The following SLC9A9 variants were observed in gnomAD, a reference collection of about 807,000 sequenced individuals.
The protein encoded by SLC9A9 is solute carrier family 9 member A9.
A neutral mutation model predicts 77.8 loss-of-function variants in SLC9A9; 62 were observed. That is an observed-to-expected ratio of 0.80 (90% confidence interval 0.65 to 0.98). The LOEUF is 0.98. SLC9A9 is among the 50% of genes least tolerant of loss of function. The pLI is 0.00. For missense variants in SLC9A9, 775 were observed against 774.9 expected, an observed-to-expected ratio of 1.00 and a Z score of 0.00; for synonymous variants, 320 against 283.5, an observed-to-expected ratio of 1.13 and a Z score of -1.29.
At chr3:143,635,551 C>T (rs879280982) in intron 6 of SLC9A9, among the ~76,000 whole-genome samples, 19 of 152,294 alleles carry the variant, frequency 1.2e-4, no homozygotes, top group East Asian at 5.8e-4. Flanking sequence ...CCCGAAGTTG[C>T]GGATGAATTA....
At chr3:143,496,295 AG>A (rs376196135) in intron 9 of SLC9A9, among the ~76,000 whole-genome samples, 175 of 152,350 alleles carry the variant, frequency 1.1e-3, no homozygotes, top group African/African-American at 3.8e-3. Context: ...GCTACAACAA[AG>A]GCAGATTTGG....
chr3:143,543,360 G>A, intron 9 of SLC9A9, among the ~76,000 whole-genome samples: 1 of 147,922 alleles, frequency 6.8e-6, no homozygotes, highest in East Asian at 2.0e-4. Flanking sequence ...TGTTACCTCT[G>A]TTTCTGGGAC....
At chr3:143,510,892 C>G (rs2036105832) in intron 9 of SLC9A9, among the ~76,000 whole-genome samples, 9 of 152,108 alleles carry the variant, frequency 5.9e-5, no homozygotes, top group Admixed American at 5.9e-4. Context: ...AGGGTAAGCT[C>G]CAGGGTGGAG....
chr3:143,290,906 A>G (rs1578266424), intron 14 of SLC9A9, among the ~76,000 whole-genome samples: 2 of 152,186 alleles, frequency 1.3e-5, no homozygotes, highest in South Asian at 4.2e-4. Context: ...TGACACCTCT[A>G]TGTAGGTGAC....
chr3:143,476,434 G>A (rs2108576772), intron 11 of SLC9A9, among the ~76,000 whole-genome samples: 1 of 152,338 alleles, frequency 6.6e-6, no homozygotes, highest in East Asian at 1.9e-4. Flanking sequence ...GAAGCCCTGG[G>A]TAGCCAGAAA....
At chr3:143,408,780 C>T (rs1254335995) in intron 12 of SLC9A9, among the ~76,000 whole-genome samples, 1 of 152,162 alleles carries the variant, frequency 6.6e-6, no homozygotes, top group Non-Finnish European at 1.5e-5. Flanking sequence ...AATAAAACCT[C>T]ACCTAAATTT....
intron 4 of SLC9A9, among the ~76,000 whole-genome samples, chr3:143,705,653 A>G (rs1373892189): frequency 6.6e-6 from 1 of 152,232 alleles, no homozygotes; most frequent in Non-Finnish European, 1.5e-5. Context: ...AGTCAGCTAA[A>G]AGGTCTTTTA....
intron 11 of SLC9A9, among the ~76,000 whole-genome samples, chr3:143,475,001 C>T (rs1296664694): frequency 1.3e-5 from 2 of 150,546 alleles, no homozygotes; most frequent in African/African-American, 4.9e-5. Flanking sequence ...CTCTGTTGCC[C>T]AGGCTGGAGT....
intron 14 of SLC9A9, among the ~76,000 whole-genome samples, chr3:143,320,703 G>A (rs2031388057): frequency 6.6e-6 from 1 of 152,264 alleles, no homozygotes; most frequent in Admixed American, 6.5e-5. Context: ...TCCAACATTG[G>A]GAATCGCATT....
At chr3:143,328,597 T>C (rs992289645) in intron 14 of SLC9A9, among the ~76,000 whole-genome samples, 3 of 152,176 alleles carry the variant, frequency 2.0e-5, no homozygotes, top group Non-Finnish European at 4.4e-5. Flanking sequence ...TGCCATCCCC[T>C]TTATCAGAAC....
rs113631630 is a variant in SLC9A9 at position 143,759,579 on chromosome 3, T to C, written c.533+35422A>G. On this transcript the variant is annotated intron_variant, in intron 4 of 15. Coordinates refer to ENST00000316549, the MANE Select transcript of SLC9A9 (RefSeq NM_173653.4). Reference sequence around the variant, plus strand: ...TTGATGGGTGTCCAGATCCTTTGAGTCCTGTCTGAGGTCCAGCTCTTTTCC... The same window carrying C: ...TTGATGGGTGTCCAGATCCTTTGAGCCCTGTCTGAGGTCCAGCTCTTTTCC... 5.9e-5 allele frequency among the ~76,000 whole-genome samples: 9 copies of C among 151,900 alleles called. 1 individual carries two copies. The highest frequency in any genetic ancestry group is 2.2e-4 in the African/African-American group (9 of 41,452).
intron 4 of SLC9A9, among the ~76,000 whole-genome samples, chr3:143,771,400 A>G (rs930256727): frequency 1.3e-5 from 2 of 152,166 alleles, no homozygotes; most frequent in Admixed American, 6.5e-5. Context: ...TATGATGTTA[A>G]CCGAAGAAGG....
chr3:143,354,244 T>C (rs1190979151), intron 14 of SLC9A9, among the ~76,000 whole-genome samples: 1 of 152,244 alleles, frequency 6.6e-6, no homozygotes, highest in African/African-American at 2.4e-5. Context: ...TGTTCCTCCA[T>C]GGACACTTTC....
At position 143,266,915 on chromosome 3, in the gene SLC9A9, C is replaced by T; in HGVS notation, c.1725G>A (p.Glu575=). Reference sequence around the variant, plus strand: ...GGTTTACAATGCATTCCACATCATCCTCTTTTAGCTGTTCCTGGTTGGGAA... The same window carrying T: ...GGTTTACAATGCATTCCACATCATCTTCTTTTAGCTGTTCCTGGTTGGGAA... ...SPQAYGEQLK[E]DDVECIVNQD... Residue 575 remains glutamate (E), a synonymous_variant, in exon 16 of 16, where the codon GAG becomes GAA. Coordinates refer to ENST00000316549, the MANE Select transcript of SLC9A9 (RefSeq NM_173653.4). 6.2e-7 allele frequency: 1 copy of T among 1,613,982 alleles called. No homozygotes were observed. Among genetic ancestry groups the T allele is most frequent in the Non-Finnish European group, 8.5e-7 (1 of 1,179,890 alleles).
At chr3:143,390,419 A>C (rs1302856154) in intron 12 of SLC9A9, among the ~76,000 whole-genome samples, 1 of 152,248 alleles carries the variant, frequency 6.6e-6, no homozygotes, top group African/African-American at 2.4e-5. Flanking sequence ...CGGAGATAGG[A>C]ATGGTAAATA....
chr3:143,743,835 G>A (rs1576696695), intron 4 of SLC9A9, among the ~76,000 whole-genome samples: 1 of 152,284 alleles, frequency 6.6e-6, no homozygotes, highest in Admixed American at 6.5e-5. Flanking sequence ...AGTTTCTCAC[G>A]GCATGCCTAA....
intron 5 of SLC9A9, among the ~76,000 whole-genome samples, chr3:143,668,486 A>G (rs778761653): frequency 8.5e-5 from 13 of 152,196 alleles, no homozygotes; most frequent in Non-Finnish European, 1.5e-4. Flanking sequence ...AATAACAAAA[A>G]AAGTAAAAAT....
At chr3:143,440,239 T>A (rs111499866) in intron 12 of SLC9A9, among the ~76,000 whole-genome samples, 1,918 of 152,338 alleles carry the variant, frequency 0.013, 25 homozygotes, top group Non-Finnish European at 0.016. Flanking sequence ...CAGCAATTTA[T>A]AATGTTTCCT....
intron 4 of SLC9A9, among the ~76,000 whole-genome samples, chr3:143,702,562 A>G (rs1933835074): frequency 6.6e-6 from 1 of 150,860 alleles, no homozygotes; most frequent in African/African-American, 2.4e-5. Flanking sequence ...AAAAAAAAAT[A>G]CAATAAACAC....
Sources: allele counts gnomAD v4.1 joint callset (sites outside exome capture counted in the v4.1 genomes callset), GRCh38; gene constraint gnomAD v4.1.1; transcripts MANE v1.5; gene names NCBI Gene and HGNC (gene_info 2026-07-23, HGNC 2026-07-21).